Variants in INPP4B observed in about 807,000 individuals in gnomAD.
The protein encoded by INPP4B is inositol polyphosphate 4-phosphatase type II.
INPP4B carries 55 observed loss-of-function variants against 122.5 expected under a neutral mutation model. The ratio of observed to expected loss-of-function variants is 0.45; its 90% CI spans 0.36 to 0.56. The LOEUF is 0.56. Ranked by LOEUF, INPP4B falls within the 20% of genes least tolerant of loss-of-function variation. INPP4B has a pLI of 0.00. For missense variants in INPP4B, 1,000 were observed against 1,097.7 expected (o/e 0.91, Z 1.26); for synonymous variants, 403 against 388.7 (o/e 1.04, Z -0.43).
At chr4:142,316,194 T>G (rs932117437) in intron 7 of INPP4B, among the ~76,000 whole-genome samples, 30 of 152,304 alleles carry the variant, frequency 2.0e-4, no homozygotes, top group African/African-American at 7.2e-4. Flanking sequence ...ATAAATGACA[T>G]GAGAGATCCC....
chr4:142,121,032 C>G (rs1020801804), intron 21 of INPP4B, among the ~76,000 whole-genome samples: 3 of 152,188 alleles, frequency 2.0e-5, no homozygotes, highest in Admixed American at 2.0e-4. Context: ...TCTGCCTACA[C>G]TAAATGGCCT....
chr4:142,766,558 A>G (rs1772173309), intron 1 of INPP4B, among the ~76,000 whole-genome samples: 2 of 152,014 alleles, frequency 1.3e-5, no homozygotes, highest in East Asian at 1.9e-4. Context: ...TTCAGTAGAG[A>G]CAGGGTTTCA....
chr4:142,379,790 A>G (rs187552699), intron 7 of INPP4B, among the ~76,000 whole-genome samples: 61 of 152,364 alleles, frequency 4.0e-4, no homozygotes, highest in African/African-American at 1.4e-3. Flanking sequence ...AAGCCATGCA[A>G]GACATGTGTC....
intron 25 of INPP4B, among the ~76,000 whole-genome samples, chr4:142,052,381 C>G (rs1434153331): frequency 6.6e-6 from 1 of 151,914 alleles, no homozygotes; most frequent in African/African-American, 2.4e-5. Context: ...AAATTGCTAC[C>G]TGAAGTATAA....
At chr4:142,724,528 G>A (rs1663266522) in intron 2 of INPP4B, among the ~76,000 whole-genome samples, 1 of 152,072 alleles carries the variant, frequency 6.6e-6, no homozygotes, top group African/African-American at 2.4e-5. Context: ...CTAGGAATTT[G>A]TTCTCTTTAT....
chr4:142,427,359 T>C, intron 5 of INPP4B: 1 of 440,086 alleles, frequency 2.3e-6, no homozygotes, highest in Non-Finnish European at 4.0e-6. Context: ...TATCTGTTGT[T>C]GTTTCTTAGT....
At chr4:142,815,228 C>A (rs898257563) in intron 1 of INPP4B, among the ~76,000 whole-genome samples, 1 of 152,008 alleles carries the variant, frequency 6.6e-6, no homozygotes, top group Non-Finnish European at 1.5e-5. Flanking sequence ...ACTGTCACAG[C>A]CAAGAGAAGC....
intron 2 of INPP4B, among the ~76,000 whole-genome samples, chr4:142,552,282 G>T (rs922484292): frequency 2.0e-5 from 3 of 152,186 alleles, no homozygotes; most frequent in African/African-American, 7.2e-5. Context: ...TGATTAGTAG[G>T]TCTGGGTAGA....
rs111429665 is a variant in INPP4B, at chr4:142,721,320, G to C, written c.-191+4519C>G. Reference sequence around the variant, plus strand: ...TAAGTACTTTTAGGATCTTAGCCTAGAGAGACTCCACTATAGAGCAGAGTA... The same window carrying C: ...TAAGTACTTTTAGGATCTTAGCCTACAGAGACTCCACTATAGAGCAGAGTA... On this transcript the variant is annotated intron_variant, in intron 2 of 25. Coordinates refer to ENST00000262992, the MANE Select transcript of INPP4B (RefSeq NM_001101669.3). Among the ~76,000 whole-genome samples the C allele has an allele frequency of 5.3e-5, 8 of 152,188 alleles. 1 individual carries two copies. Among genetic ancestry groups the C allele is most frequent in the African/African-American group, 1.9e-4 (8 of 41,508 alleles).
chr4:142,641,711 A>G (rs1397687465), intron 2 of INPP4B, among the ~76,000 whole-genome samples: 1 of 152,142 alleles, frequency 6.6e-6, no homozygotes. Context: ...TATTGTGAGT[A>G]GTGCTGCAAT....
intron 7 of INPP4B, among the ~76,000 whole-genome samples, chr4:142,326,074 A>T (rs1772239550): frequency 6.6e-6 from 1 of 152,230 alleles, no homozygotes; most frequent in Non-Finnish European, 1.5e-5. Flanking sequence ...GTCTCCTTAT[A>T]GCTTTTCTAA....
rs967404758 is a variant in INPP4B at position 142,666,770 on chromosome 4, A to G, written c.-191+59069T>C. Among the ~76,000 whole-genome samples the G allele has an allele frequency of 1.8e-4, 27 of 152,284 alleles. 1 individual carries two copies. The highest frequency in any genetic ancestry group is 6.5e-4 in the African/African-American group (27 of 41,558). On this transcript the variant is annotated intron_variant, in intron 2 of 25. Coordinates refer to ENST00000262992, the MANE Select transcript of INPP4B (RefSeq NM_001101669.3). ...AAAAGGATGAAGACAAATGCAATCT[A>G]TCAACCTTTTAATTTGCTAACATTT...
At chr4:142,821,215 A>C (rs776795853) in intron 1 of INPP4B, among the ~76,000 whole-genome samples, 2 of 152,100 alleles carry the variant, frequency 1.3e-5, no homozygotes, top group Non-Finnish European at 2.9e-5. Context: ...AACTTCACTG[A>C]AGATATACTA....
At chr4:142,676,105 C>T (rs1560949762) in intron 2 of INPP4B, among the ~76,000 whole-genome samples, 1 of 152,290 alleles carries the variant, frequency 6.6e-6, no homozygotes, top group East Asian at 1.9e-4. Context: ...ACCCCATTGT[C>T]TCAGCTCAGA....
chr4:142,236,282 T>C (rs1856676521), intron 12 of INPP4B, among the ~76,000 whole-genome samples: 1 of 152,242 alleles, frequency 6.6e-6, no homozygotes, highest in Non-Finnish European at 1.5e-5. Flanking sequence ...CTTATATGAC[T>C]TCCAAAATCC....
intron 17 of INPP4B, among the ~76,000 whole-genome samples, chr4:142,147,966 C>CTGTA (rs1811712176): frequency 6.6e-6 from 1 of 152,142 alleles, no homozygotes; most frequent in Non-Finnish European, 1.5e-5. Context: ...ATGGTCTTGA[C>CTGTA]ATCTGGATTG....
rs554144303 is a variant in INPP4B at position 142,829,551 on chromosome 4, T to C, written c.-254+16658A>G. 5.3e-5 allele frequency among the ~76,000 whole-genome samples: 8 copies of C among 152,182 alleles called. No individual in the cohort carries two copies. The South Asian group carries it at 1.7e-3, about 32-fold the overall frequency. On this transcript the variant is annotated intron_variant, in intron 1 of 25. Transcript: ENST00000262992. ...ATTCCTGAGTTTCTGCACTATTCCTTGTGGTTAGCCTTTATCCTAACCAGA... is the reference window on the plus strand; with the variant it reads ...ATTCCTGAGTTTCTGCACTATTCCTCGTGGTTAGCCTTTATCCTAACCAGA...
chr4:142,675,355 T>C (rs765821720), intron 2 of INPP4B, among the ~76,000 whole-genome samples: 6 of 152,106 alleles, frequency 3.9e-5, no homozygotes, highest in Non-Finnish European at 8.8e-5. Flanking sequence ...AGGCAGTAAT[T>C]AATATCCTAC....
intron 1 of INPP4B, among the ~76,000 whole-genome samples, chr4:142,733,634 G>A (rs1766410111): frequency 6.6e-6 from 1 of 152,172 alleles, no homozygotes; most frequent in Non-Finnish European, 1.5e-5. Flanking sequence ...GCAAGAGTTA[G>A]CAAGGATGTG....
Sources: allele counts gnomAD v4.1 joint callset (sites outside exome capture counted in the v4.1 genomes callset), GRCh38; gene constraint gnomAD v4.1.1; transcripts MANE v1.5; gene names NCBI Gene and HGNC (gene_info 2026-07-23, HGNC 2026-07-21).